RGL1: variants seen among roughly 807,000 people sequenced by gnomAD.
RGL1 encodes the protein ral guanine nucleotide dissociation stimulator-like 1.
RGL1 carries 24 observed loss-of-function variants against 95.2 expected under a neutral mutation model. That is an observed-to-expected ratio of 0.25 (90% CI 0.18 to 0.35). The LOEUF (loss-of-function observed/expected upper bound fraction) is 0.35. RGL1 is among the 10% of genes least tolerant of loss of function. RGL1 has a pLI of 1.00. For missense variants in RGL1, 715 were observed against 936.3 expected, an observed-to-expected ratio of 0.76 and a Z score of 3.08; for synonymous variants, 329 against 344.9, an observed-to-expected ratio of 0.95 and a Z score of 0.51.
intron 5 of RGL1, among the ~76,000 whole-genome samples, chr1:183,881,122 C>G (rs189865838): frequency 1.3e-5 from 2 of 152,124 alleles, no homozygotes; most frequent in East Asian, 3.8e-4. Context: ...AAGAGGGTCT[C>G]CTTGATGAAC....
intron 1 of RGL1, among the ~76,000 whole-genome samples, chr1:183,714,858 C>G (rs1655514695): frequency 6.6e-6 from 1 of 152,116 alleles, no homozygotes; most frequent in Non-Finnish European, 1.5e-5. Context: ...TACATGAAGA[C>G]CCGTTGCTCA....
intron 1 of RGL1, among the ~76,000 whole-genome samples, chr1:183,682,250 A>T (rs1390278068): frequency 1.3e-5 from 2 of 151,878 alleles, no homozygotes; most frequent in Non-Finnish European, 2.9e-5. Context: ...AGTTCTTTTA[A>T]TTGTGATGTT....
chr1:183,790,901 G>A (rs1293675874), intron 2 of RGL1, among the ~76,000 whole-genome samples: 1 of 137,934 alleles, frequency 7.2e-6, no homozygotes, highest in Non-Finnish European at 1.5e-5. Context: ...TACACACATA[G>A]CACAGATAGC....
chr1:183,660,925 A>C (rs1363834637), intron 1 of RGL1, among the ~76,000 whole-genome samples: 1 of 152,232 alleles, frequency 6.6e-6, no homozygotes. Context: ...GCTCAACTAC[A>C]TGGAAACCGA....
At chr1:183,878,720 A>G (rs756789156) in intron 4 of RGL1, among the ~76,000 whole-genome samples, 18 of 152,212 alleles carry the variant, frequency 1.2e-4, no homozygotes, top group South Asian at 2.1e-4. Context: ...AGTGAATAAT[A>G]TATTAGCATC....
chr1:183,764,959 A>T (rs879672227), intron 2 of RGL1, among the ~76,000 whole-genome samples: 8 of 152,176 alleles, frequency 5.3e-5, no homozygotes, highest in African/African-American at 1.9e-4. Flanking sequence ...ACCTCTCACA[A>T]GGAATCAGAT....
rs1553296720 is a variant in RGL1 at position 183,856,638 on chromosome 1, T to TA, written c.347+8864_347+8865insA. Among the ~76,000 whole-genome samples the TA allele has an allele frequency of 9.5e-4, 141 of 147,670 alleles. 1 individual carries two copies. The East Asian group carries it at 0.019, about 20-fold the overall frequency. On this transcript the variant is annotated intron_variant, in intron 3 of 17. Coordinates refer to ENST00000360851, the MANE Select transcript of RGL1 (RefSeq NM_001297671.3). ...TCTCCCTGTAAATATATATATATTT[T>TA]TATATATATATATATGTTAAGGTGT...
chr1:183,749,975 C>T (rs1450989477), intron 2 of RGL1, among the ~76,000 whole-genome samples: 1 of 152,216 alleles, frequency 6.6e-6, no homozygotes. Flanking sequence ...TGACCTTTCT[C>T]TCTGGCTGCC....
At chr1:183,828,149 A>G (rs1223025690) in intron 2 of RGL1, among the ~76,000 whole-genome samples, 1 of 152,252 alleles carries the variant, frequency 6.6e-6, no homozygotes, top group Non-Finnish European at 1.5e-5. Flanking sequence ...TATTACTGCC[A>G]GTGATATGAC....
At chr1:183,783,152 T>C (rs1199401350) in intron 2 of RGL1, among the ~76,000 whole-genome samples, 1 of 152,116 alleles carries the variant, frequency 6.6e-6, no homozygotes, top group Non-Finnish European at 1.5e-5. Flanking sequence ...GGATTTCTAC[T>C]GGGTTACTGA....
intron 4 of RGL1, among the ~76,000 whole-genome samples, chr1:183,869,382 C>T (rs1055634417): frequency 1.3e-5 from 2 of 152,224 alleles, no homozygotes; most frequent in African/African-American, 4.8e-5. Context: ...ACACAGAACT[C>T]CCCTGAGGGG....
intron 4 of RGL1, among the ~76,000 whole-genome samples, chr1:183,875,735 C>T (rs1214953630): frequency 1.3e-5 from 2 of 151,904 alleles, no homozygotes; most frequent in Non-Finnish European, 2.9e-5. Flanking sequence ...AAAAATTAGC[C>T]AGGCATGGTG....
At chr1:183,639,327 A>T (rs1286831974) in intron 1 of RGL1, among the ~76,000 whole-genome samples, 4 of 151,910 alleles carry the variant, frequency 2.6e-5, no homozygotes, top group African/African-American at 4.8e-5. Flanking sequence ...CTGCAACGTG[A>T]CATTATTTAT....
At chr1:183,752,466 C>A (rs1273070143) in intron 2 of RGL1, among the ~76,000 whole-genome samples, 2 of 152,076 alleles carry the variant, frequency 1.3e-5, no homozygotes, top group African/African-American at 4.8e-5. Context: ...ACCTTGTGAT[C>A]CGCCCACCTC....
In RGL1 at chr1:183,922,294, G is replaced by T. The variant is rs146832723; in HGVS notation, c.2077G>T (p.Ala693Ser). 29 of 1,614,106 alleles carry T rather than the reference G, an allele frequency of 1.8e-5. No individual in the cohort carries two copies. The African/African-American group carries it at 3.3e-4, about 19-fold the overall frequency. ...GAAGCACAATCTGGACTCAGACCCCGCCGAGGAGTACGAGCTGGTGCAGGT... is the reference window on the plus strand; with the variant it reads ...GAAGCACAATCTGGACTCAGACCCCTCCGAGGAGTACGAGCTGGTGCAGGT... ...MLKHNLDSDPAEEYELVQVIS... is the reference protein window; with the variant it reads ...MLKHNLDSDPSEEYELVQVIS... Residue 693 changes from alanine to serine, a missense_variant, in exon 17 of 18, where the codon GCC becomes TCC. Ala to Ser is a moderately conservative substitution (Grantham distance 99). Around this residue, in one of 3 missense-constraint regions of RGL1, gnomAD observed 330 missense variants for 429.6 expected, o/e 0.77. Transcript: ENST00000360851.
At chr1:183,759,538 T>A (rs1278960823) in intron 2 of RGL1, among the ~76,000 whole-genome samples, 1 of 152,190 alleles carries the variant, frequency 6.6e-6, no homozygotes, top group African/African-American at 2.4e-5. Context: ...TCTCTCCCAG[T>A]TGTAAAGTTT....
intron 1 of RGL1, among the ~76,000 whole-genome samples, chr1:183,656,241 G>T (rs182563660): frequency 4.0e-5 from 6 of 151,742 alleles, no homozygotes; most frequent in Non-Finnish European, 7.4e-5. Flanking sequence ...CTCTTTCCCC[G>T]TGGGATCTGA....
intron 3 of RGL1, among the ~76,000 whole-genome samples, chr1:183,854,035 A>T (rs916949373): frequency 2.0e-5 from 3 of 152,236 alleles, no homozygotes; most frequent in Admixed American, 6.5e-5. Context: ...TGCTGTGTGT[A>T]TAATGGTGGA....
intron 2 of RGL1, among the ~76,000 whole-genome samples, chr1:183,827,088 A>C (rs184670248): frequency 2.0e-5 from 3 of 152,180 alleles, no homozygotes; most frequent in East Asian, 1.9e-4. Flanking sequence ...ATGCCCAGCT[A>C]ATTTTTGTGT....
Sources: allele counts gnomAD v4.1 joint callset (sites outside exome capture counted in the v4.1 genomes callset), GRCh38; gene constraint gnomAD v4.1.1; regional missense constraint gnomAD v4.1.1; transcripts MANE v1.5; gene names NCBI Gene and HGNC (gene_info 2026-07-23, HGNC 2026-07-21).